PLCB1: variants seen among roughly 807,000 people sequenced by gnomAD.
The protein encoded by PLCB1 is 1-phosphatidylinositol 4,5-bisphosphate phosphodiesterase beta-1.
PLCB1 carries 46 observed loss-of-function variants against 161.8 expected under a neutral mutation model. The ratio of observed to expected loss-of-function variants is 0.28; its 90% CI spans 0.22 to 0.36. The LOEUF (loss-of-function observed/expected upper bound fraction) is 0.36, where lower values mean the gene tolerates loss of function less well. Among genes scored for constraint, PLCB1 ranks in the 10% least tolerant of loss-of-function variants. The pLI is 1.00. For synonymous variants in PLCB1, 517 were observed against 503.7 expected (o/e 1.03, Z -0.35); for missense variants, 1,016 against 1,472.5 (o/e 0.69, Z 5.07).
At chr20:8,877,440 A>G (rs1337382290) in intron 31 of PLCB1, among the ~76,000 whole-genome samples, 1 of 152,224 alleles carries the variant, frequency 6.6e-6, no homozygotes, top group Non-Finnish European at 1.5e-5. Context: ...TTACATGAAG[A>G]TGTGGATTTC....
chr20:8,402,810 A>C (rs1251929709), intron 3 of PLCB1, among the ~76,000 whole-genome samples: 1 of 152,064 alleles, frequency 6.6e-6, no homozygotes, highest in Non-Finnish European at 1.5e-5. Flanking sequence ...GTGCCACTGC[A>C]CTCCAGCCTG....
At chr20:8,877,337 A>G (rs937284535) in intron 31 of PLCB1, among the ~76,000 whole-genome samples, 2 of 152,204 alleles carry the variant, frequency 1.3e-5, no homozygotes, top group African/African-American at 4.8e-5. Flanking sequence ...CCAGATTTAA[A>G]TCTGTTAGGG....
chr20:8,231,457 C>A (rs1450306555), intron 2 of PLCB1, among the ~76,000 whole-genome samples: 1 of 152,176 alleles, frequency 6.6e-6, no homozygotes, highest in East Asian at 1.9e-4. Context: ...TTAGACCTAT[C>A]TGTTTTCTAA....
intron 3 of PLCB1, among the ~76,000 whole-genome samples, chr20:8,512,851 T>A (rs182635616): frequency 1.3e-5 from 2 of 152,294 alleles, no homozygotes; most frequent in East Asian, 3.9e-4. Flanking sequence ...TACGTTATTA[T>A]TAACTCTAGT....
chr20:8,643,717 G>A (rs8121544), intron 4 of PLCB1, among the ~76,000 whole-genome samples: 6,380 of 141,788 alleles, frequency 0.045, 400 homozygotes, highest in African/African-American at 0.16. Context: ...GTGAAACCCC[G>A]TCTCTACTAA....
At chr20:8,857,871 CCTT>C (rs1308677687) in intron 31 of PLCB1, among the ~76,000 whole-genome samples, 1 of 152,128 alleles carries the variant, frequency 6.6e-6, no homozygotes, top group African/African-American at 2.4e-5. Flanking sequence ...GCCACATGTT[CCTT>C]CTTAAGCAAA....
chr20:8,226,978 C>T (rs147652583), intron 2 of PLCB1, among the ~76,000 whole-genome samples: 2,497 of 152,254 alleles, frequency 0.016, 31 homozygotes, highest in Non-Finnish European at 0.026. Context: ...TGAGCCACCG[C>T]GCCCGGCCAA....
At chr20:8,669,083 G>C (rs6133598) in intron 9 of PLCB1, among the ~76,000 whole-genome samples, 9,567 of 152,222 alleles carry the variant, frequency 0.063, 392 homozygotes, top group East Asian at 0.17. Flanking sequence ...ATAATTACAA[G>C]GAGAAAATTC....
intron 31 of PLCB1, among the ~76,000 whole-genome samples, chr20:8,833,059 T>C (rs1472782160): frequency 1.3e-5 from 2 of 152,196 alleles, no homozygotes; most frequent in Non-Finnish European, 2.9e-5. Context: ...TATTTAAAGA[T>C]GTTATAAAGG....
At chr20:8,851,097 A>T (rs4816093) in intron 31 of PLCB1, among the ~76,000 whole-genome samples, 48,935 of 152,164 alleles carry the variant, frequency 0.32, 8,831 homozygotes, top group East Asian at 0.63. Context: ...CCTTGCTTTA[A>T]TTGAAATATT....
At chr20:8,520,926 A>T (rs1282107968) in intron 3 of PLCB1, among the ~76,000 whole-genome samples, 1 of 152,174 alleles carries the variant, frequency 6.6e-6, no homozygotes, top group African/African-American at 2.4e-5. Context: ...AAAGTTTCTG[A>T]TTATCATGAA....
chr20:8,765,321 G>C lies in PLCB1; in HGVS notation c.2893G>C (p.Ala965Pro). The change falls in exon 26 of 32, where the codon GCT becomes CCT. Residue 965 changes from alanine (A) to proline (P), a missense_variant. Coordinates refer to ENST00000338037, the MANE Select transcript of PLCB1 (RefSeq NM_015192.4). ...IQNDYLRRRAALEKSAKKDSK... is the reference protein window; with the variant it reads ...IQNDYLRRRAPLEKSAKKDSK... ...GAATGACTACTTGAGAAGGAGAGCC[G>C]CTTTGGAAAAGTCCGCCAAAAAGGA... 1 of 1,612,414 alleles carries C rather than the reference G, an allele frequency of 6.2e-7. No homozygotes were observed. The highest frequency in any genetic ancestry group is 8.5e-7 in the Non-Finnish European group (1 of 1,179,700).
At chr20:8,229,746 T>G (rs1979903501) in intron 2 of PLCB1, among the ~76,000 whole-genome samples, 1 of 150,200 alleles carries the variant, frequency 6.7e-6, no homozygotes, top group Admixed American at 6.7e-5. Flanking sequence ...CTGAGCTGGG[T>G]GCAGTGGTTC....
At chr20:8,216,814 A>G (rs919356549) in intron 2 of PLCB1, among the ~76,000 whole-genome samples, 4 of 152,180 alleles carry the variant, frequency 2.6e-5, no homozygotes, top group Admixed American at 6.6e-5. Flanking sequence ...GTGCCTATAT[A>G]GAAACTCAAG....
At chr20:8,414,709 G>C (rs1430737299) in intron 3 of PLCB1, among the ~76,000 whole-genome samples, 1 of 152,058 alleles carries the variant, frequency 6.6e-6, no homozygotes, top group Admixed American at 6.5e-5. Context: ...CTGTATAGTA[G>C]CCATTAGCCA....
At chr20:8,240,738 G>T (rs893876072) in intron 2 of PLCB1, among the ~76,000 whole-genome samples, 1 of 151,962 alleles carries the variant, frequency 6.6e-6, no homozygotes, top group Non-Finnish European at 1.5e-5. Context: ...TTTATAGCTT[G>T]CCAGATAGCA....
chr20:8,871,644 A>G (rs549527822), intron 31 of PLCB1, among the ~76,000 whole-genome samples: 11 of 152,320 alleles, frequency 7.2e-5, no homozygotes, highest in African/African-American at 2.6e-4. Flanking sequence ...AGAGTGTTCA[A>G]AATACCATTT....
intron 12 of PLCB1, among the ~76,000 whole-genome samples, chr20:8,709,023 T>C (rs1420838070): frequency 6.6e-6 from 1 of 152,194 alleles, no homozygotes; most frequent in Non-Finnish European, 1.5e-5. Context: ...GAACACATTT[T>C]TCTACACAAT....
At chr20:8,328,970 T>A (rs1435126140) in intron 2 of PLCB1, among the ~76,000 whole-genome samples, 1 of 152,226 alleles carries the variant, frequency 6.6e-6, no homozygotes, top group Non-Finnish European at 1.5e-5. Flanking sequence ...ATCTTCAGAA[T>A]CAATTACTGA....
Sources: gnomAD v4.1 joint callset for allele counts (sites outside exome capture counted in the v4.1 genomes callset) on GRCh38, gnomAD v4.1.1 for gene constraint, MANE v1.5 for transcripts, NCBI Gene and HGNC (gene_info 2026-07-23, HGNC 2026-07-21) for gene names.